PHF24: variants seen among roughly 807,000 people sequenced by gnomAD.
PHF24 encodes Galpha inhibitory interacting protein.
PHF24 carries 25 observed loss-of-function variants against 42.6 expected under a neutral mutation model. The ratio of observed to expected loss-of-function variants is 0.59; its 90% CI spans 0.43 to 0.82. The LOEUF is 0.82. PHF24 is among the 40% of genes least tolerant of loss of function. The pLI, the probability that PHF24 is intolerant of heterozygous loss-of-function variation, is 0.00. For synonymous variants in PHF24, 185 were observed against 204.8 expected, an observed-to-expected ratio of 0.90 and a Z score of 0.83; for missense variants, 470 against 538.1, an observed-to-expected ratio of 0.87 and a Z score of 1.25.
At chr9:34,703,169 C>T in the PHF24 span, among the ~76,000 whole-genome samples, 1 of 152,050 alleles carries the variant, frequency 6.6e-6, no homozygotes, top group African/African-American at 2.4e-5. Context: ...TCTGGTAGCC[C>T]CATAATTTAA....
chr9:34,813,032 A>C, the PHF24 span, among the ~76,000 whole-genome samples: 2 of 152,222 alleles, frequency 1.3e-5, no homozygotes, highest in African/African-American at 2.4e-5. Context: ...AAGCCAGTGA[A>C]AGCACATAAA....
At chr9:34,809,043 A>T in the PHF24 span, among the ~76,000 whole-genome samples, 7 of 101,342 alleles carry the variant, frequency 6.9e-5, no homozygotes, top group African/African-American at 3.1e-4. This position sits in a 1 kb window ranked among gnomAD's most constrained non-coding sequence, Gnocchi z 4.1. Flanking sequence ...ATAATAAAAA[A>T]AAAAAATAAT....
At chr9:34,755,595 G>A in the PHF24 span, among the ~76,000 whole-genome samples, 1 of 151,796 alleles carries the variant, frequency 6.6e-6, no homozygotes, top group Non-Finnish European at 1.5e-5. Flanking sequence ...CTGTTGAGAT[G>A]TTTGAGTTCC....
chr9:34,927,344 C>T, the PHF24 span, among the ~76,000 whole-genome samples: 2 of 152,280 alleles, frequency 1.3e-5, no homozygotes, highest in South Asian at 4.1e-4. Context: ...TGGAGATATG[C>T]AGTGGCTACC....
chr9:34,712,614 TC>T, the PHF24 span, among the ~76,000 whole-genome samples: 1 of 152,180 alleles, frequency 6.6e-6, no homozygotes, highest in African/African-American at 2.4e-5. Context: ...GTCCTTTTTT[TC>T]TTTTTACTAA....
At chr9:34,739,807 G>C in the PHF24 span, among the ~76,000 whole-genome samples, 366 of 152,264 alleles carry the variant, frequency 2.4e-3, 1 homozygote, top group African/African-American at 7.9e-3. Context: ...GGGGCAGCCT[G>C]CTTTTATTCT....
chr9:34,767,941 C>G, the PHF24 span, among the ~76,000 whole-genome samples: 1 of 152,190 alleles, frequency 6.6e-6, no homozygotes, highest in African/African-American at 2.4e-5. Flanking sequence ...TGGATGCGTG[C>G]ACATCTACCG....
At chr9:34,698,801 G>C in the PHF24 span, among the ~76,000 whole-genome samples, 2 of 152,186 alleles carry the variant, frequency 1.3e-5, no homozygotes, top group South Asian at 4.1e-4. Context: ...TTTTGAATGA[G>C]CTCCAGGCTC....
the PHF24 span, among the ~76,000 whole-genome samples, chr9:34,908,842 C>CTTTTTT: frequency 8.1e-4 from 109 of 135,322 alleles, no homozygotes; most frequent in Non-Finnish European, 1.0e-3. Context: ...CTTTTCTTTT[C>CTTTTTT]TTTTTTTTTT....
At chr9:34,848,579 G>T in the PHF24 span, among the ~76,000 whole-genome samples, 1 of 151,832 alleles carries the variant, frequency 6.6e-6, no homozygotes, top group East Asian at 1.9e-4. Context: ...TTTTTGAAGG[G>T]TTTTTTGTGT....
chr9:34,772,613 C>T, the PHF24 span, among the ~76,000 whole-genome samples: 1 of 152,164 alleles, frequency 6.6e-6, no homozygotes, highest in Non-Finnish European at 1.5e-5. Flanking sequence ...TCTTTCCATA[C>T]ATGAATGCAC....
the PHF24 span, among the ~76,000 whole-genome samples, chr9:34,859,895 G>GT: frequency 4.6e-5 from 7 of 151,100 alleles, no homozygotes; most frequent in South Asian, 2.1e-4. Flanking sequence ...TTCAAGTGTT[G>GT]TTTTTTTTTA....
the PHF24 span, among the ~76,000 whole-genome samples, chr9:34,759,933 T>A: frequency 6.6e-6 from 1 of 152,208 alleles, no homozygotes; most frequent in African/African-American, 2.4e-5. Context: ...GGTTTGGGAC[T>A]CATTGATGAA....
the PHF24 span, chr9:34,665,951 G>T: frequency 8.3e-5 from 42 of 508,002 alleles, no homozygotes; most frequent in African/African-American, 8.2e-4. Flanking sequence ...GGGGCCCTGG[G>T]TGAGGATTTT....
At chr9:34,696,486 CAA>C in the PHF24 span, among the ~76,000 whole-genome samples, 40,572 of 91,366 alleles carry the variant, frequency 0.44, 6,043 homozygotes, top group Admixed American at 0.49. Context: ...GACTCCATCT[CAA>C]AAAAAAAAAA....
chr9:34,680,603 G>C, the PHF24 span, among the ~76,000 whole-genome samples: 1 of 147,410 alleles, frequency 6.8e-6, no homozygotes, highest in African/African-American at 2.5e-5. Flanking sequence ...CAGGAGAATG[G>C]CGTGAACCCG....
the PHF24 span, among the ~76,000 whole-genome samples, chr9:34,680,353 C>A: frequency 0.029 from 4,401 of 151,172 alleles, 199 homozygotes; most frequent in African/African-American, 0.1. Flanking sequence ...CCAGCCTGGG[C>A]GACTGAGGGA....
At chr9:34,981,046 A>G (rs1827372767) in exon 8 of PHF24, 1 of 152,366 alleles carries the variant, frequency 6.6e-6, no homozygotes, top group African/African-American at 2.4e-5. Flanking sequence ...GCCTTCCCCA[A>G]CAGAACACTT....
At chr9:34,803,561 C>G in the PHF24 span, among the ~76,000 whole-genome samples, 1 of 152,114 alleles carries the variant, frequency 6.6e-6, no homozygotes, top group Non-Finnish European at 1.5e-5. Flanking sequence ...AATTCAGTAC[C>G]TTGGCAGTGT....
Sources: allele counts gnomAD v4.1 joint callset (sites outside exome capture counted in the v4.1 genomes callset), GRCh38; gene constraint gnomAD v4.1.1; non-coding constraint Gnocchi (gnomAD v3.1); transcripts MANE v1.5; gene names NCBI Gene and HGNC (gene_info 2026-07-23, HGNC 2026-07-21).